Variants in DHRSX observed in about 807,000 individuals in gnomAD.
DHRSX encodes the protein polyprenol dehydrogenase.
Under a neutral mutation model 34.0 loss-of-function variants are expected in DHRSX, and 31 were observed. The observed-to-expected ratio is 0.91, with a 90% CI of 0.69 to 1.23. The LOEUF (loss-of-function observed/expected upper bound fraction) is 1.23. DHRSX is among the 50% of genes most tolerant of loss of function. The pLI is 0.00. For synonymous variants in DHRSX, 201 were observed against 183.8 expected (o/e 1.09, Z -0.76); for missense variants, 414 against 428.1 (o/e 0.97, Z 0.29).
At chrX:2,456,076 G>A (rs901546911) in intron 1 of DHRSX, among the ~76,000 whole-genome samples, 4 of 152,184 alleles carry the variant, frequency 2.6e-5, no homozygotes, top group Admixed American at 6.6e-5. Flanking sequence ...GTTCACAGCC[G>A]TGATTAAGGT....
chrX:2,259,391 TATAGATATATATATAG>T (rs2041331321), intron 5 of DHRSX, among the ~76,000 whole-genome samples: 1 of 62,402 alleles, frequency 1.6e-5, no homozygotes, highest in African/African-American at 8.2e-5. Flanking sequence ...TATATAGATA[TATAGATATATATATAG>T]ATATAGATAT....
chrX:2,394,041 G>A lies in DHRSX; in HGVS notation c.286+14704C>T, dbSNP rs182437995. 2.2e-3 allele frequency among the ~76,000 whole-genome samples: 340 copies of A among 152,326 alleles called. 2 individuals carry two copies. Among genetic ancestry groups the A allele is most frequent in the African/African-American group, 7.9e-3 (329 of 41,576 alleles). On this transcript the variant is annotated intron_variant, in intron 3 of 6. Coordinates refer to ENST00000334651, the MANE Select transcript of DHRSX (RefSeq NM_145177.3). Reference sequence around the variant, plus strand: ...TTGCCCGAGCACTCATGAGTTTCATGACTGCTATGATTTTTCACAGAAGCT... The same window carrying A: ...TTGCCCGAGCACTCATGAGTTTCATAACTGCTATGATTTTTCACAGAAGCT...
chrX:2,407,382 A>G (rs1411725061), intron 3 of DHRSX, among the ~76,000 whole-genome samples: 3 of 152,178 alleles, frequency 2.0e-5, no homozygotes, highest in African/African-American at 7.2e-5. Flanking sequence ...TTTATTTAGT[A>G]TACATTTAAT....
At chrX:2,338,917 C>A (rs1411628260) in intron 3 of DHRSX, among the ~76,000 whole-genome samples, 2 of 151,974 alleles carry the variant, frequency 1.3e-5, no homozygotes, top group Non-Finnish European at 2.9e-5. Context: ...GCCAGCCCTG[C>A]AGTTCCCACG....
intron 3 of DHRSX, among the ~76,000 whole-genome samples, chrX:2,325,464 G>A (rs926577799): frequency 2.8e-4 from 43 of 152,186 alleles, no homozygotes; most frequent in African/African-American, 1.0e-3. Flanking sequence ...GTTCAAGACA[G>A]TGGCTCCATC....
chrX:2,248,373 C>T (rs995438669), intron 5 of DHRSX, among the ~76,000 whole-genome samples: 3 of 148,746 alleles, frequency 2.0e-5, no homozygotes, highest in Non-Finnish European at 4.5e-5. Context: ...GCGGAGCTTG[C>T]AGTGAGTGGA....
At position 2,473,098 on chromosome X, in the gene DHRSX, C is replaced by G. The variant is rs750856355; in HGVS notation, c.109+27719G>C. Among the ~76,000 whole-genome samples, 5 of 152,156 alleles carry G rather than the reference C, an allele frequency of 3.3e-5. No homozygotes were observed. In the East Asian group the frequency reaches 9.7e-4, roughly 29 times the overall value. ...TTGTTCACAGCCGTGATTAAGGTGC[C>G]CACAGCATCCTCACCAGCCTCAGGA... On this transcript the variant is annotated intron_variant, in intron 1 of 6. Transcript: ENST00000334651.
intron 3 of DHRSX, among the ~76,000 whole-genome samples, chrX:2,308,806 T>C (rs1051308215): frequency 5.7e-5 from 7 of 123,224 alleles, no homozygotes; most frequent in African/African-American, 2.2e-4. Context: ...GAAGCAAGAA[T>C]GAATGGAAGG....
chrX:2,390,837 G>A (rs1265376388), intron 3 of DHRSX, among the ~76,000 whole-genome samples: 3 of 151,960 alleles, frequency 2.0e-5, no homozygotes, highest in Admixed American at 6.6e-5. Context: ...TTATGGCTGT[G>A]TAATATTCCA....
chrX:2,255,569 A>G (rs2041265316), intron 5 of DHRSX, among the ~76,000 whole-genome samples: 1 of 152,154 alleles, frequency 6.6e-6, no homozygotes, highest in Admixed American at 6.6e-5. Context: ...TAACAACTCC[A>G]TGACTGAGGG....
In DHRSX at chrX:2,425,304, A is replaced by G; in HGVS notation, c.110T>C (p.Val37Ala). The G allele has an allele frequency of 6.2e-7, 1 of 1,610,352 alleles. No homozygotes were observed. Among genetic ancestry groups the G allele is most frequent in the Non-Finnish European group, 8.5e-7 (1 of 1,177,414 alleles). ...RRCRGGFLEP[V>A]FPPRPDRVAI... ...GACACGGTCAGGTCGTGGGGGGAAA[A>G]CTGAAAAAGAAGAAGAGAAAATCAT... Residue 37 changes from valine (V) to alanine (A), a missense_variant and splice_region_variant, in exon 2 of 7, where the codon GTT (valine) becomes GCT (alanine). By Grantham distance (64) the Val-to-Ala change is moderately conservative. Transcript: ENST00000334651.
intron 3 of DHRSX, among the ~76,000 whole-genome samples, chrX:2,386,146 T>C (rs1216838200): frequency 6.8e-6 from 1 of 146,792 alleles, no homozygotes; most frequent in Non-Finnish European, 1.5e-5. Flanking sequence ...AAAAAGTATA[T>C]AGATAATCAA....
At chrX:2,362,297 G>A (rs754578606) in intron 3 of DHRSX, among the ~76,000 whole-genome samples, 1 of 152,176 alleles carries the variant, frequency 6.6e-6, no homozygotes, top group East Asian at 1.9e-4. Context: ...GGTCTACCTT[G>A]TTTTTGTTTG....
chrX:2,495,235 A>G (rs1440452319), intron 1 of DHRSX, among the ~76,000 whole-genome samples: 1 of 151,314 alleles, frequency 6.6e-6, no homozygotes, highest in African/African-American at 2.4e-5. Context: ...TTTGGCTGAA[A>G]GACGTTCCAG....
At chrX:2,339,667 A>G (rs939491461) in intron 3 of DHRSX, among the ~76,000 whole-genome samples, 1 of 151,894 alleles carries the variant, frequency 6.6e-6, no homozygotes, top group African/African-American at 2.4e-5. Flanking sequence ...GAGTTACTTC[A>G]CTTAGAGTAA....
At chrX:2,234,644 A>G (rs2015972585) in intron 6 of DHRSX, among the ~76,000 whole-genome samples, 1 of 152,272 alleles carries the variant, frequency 6.6e-6, no homozygotes, top group South Asian at 2.1e-4. Flanking sequence ...GTCATATCAA[A>G]GAATGAAATC....
chrX:2,462,491 T>C (rs1360154422), intron 1 of DHRSX, among the ~76,000 whole-genome samples: 1 of 151,698 alleles, frequency 6.6e-6, no homozygotes, highest in Non-Finnish European at 1.5e-5. Flanking sequence ...GCCAAGATCG[T>C]GCCACTGTAC....
intron 3 of DHRSX, among the ~76,000 whole-genome samples, chrX:2,407,125 G>A (rs1425362097): frequency 2.0e-5 from 3 of 152,182 alleles, no homozygotes; most frequent in African/African-American, 7.2e-5. Context: ...CAACACAGAT[G>A]GAACTGGAGG....
intron 3 of DHRSX, among the ~76,000 whole-genome samples, chrX:2,382,675 TCACCA>T (rs1361106116): frequency 1.4e-5 from 1 of 71,322 alleles, no homozygotes; most frequent in South Asian, 4.3e-4. Flanking sequence ...ACCATCATCA[TCACCA>T]TCACCATCAT....
Sources: gnomAD v4.1 joint callset for allele counts (sites outside exome capture counted in the v4.1 genomes callset) on GRCh38, gnomAD v4.1.1 for gene constraint, MANE v1.5 for transcripts, NCBI Gene and HGNC (gene_info 2026-07-23, HGNC 2026-07-21) for gene names.